CLDN18: variants seen among roughly 807,000 people sequenced by gnomAD.
CLDN18 encodes claudin 18.
In CLDN18, 20 loss-of-function variants were observed where a neutral mutation model predicts 25.0. The observed-to-expected ratio is 0.80, with a 90% CI of 0.56 to 1.16. The LOEUF is 1.16. Ranked by LOEUF, CLDN18 falls within the 50% of genes most tolerant of loss-of-function variation. The probability of loss-of-function intolerance (pLI) is 0.00; values close to 1 mark genes in which losing one functional copy is unlikely to be tolerated. For synonymous variants in CLDN18, 125 were observed against 135.6 expected, an observed-to-expected ratio of 0.92 and a Z score of 0.54; for missense variants, 297 against 345.4, an observed-to-expected ratio of 0.86 and a Z score of 1.11.
At chr3:138,009,223 C>A (rs1238832974), upstream of CLDN18, among the ~76,000 whole-genome samples, 3 of 152,228 alleles carry the variant, frequency 2.0e-5, no homozygotes, top group African/African-American at 7.2e-5. Flanking sequence ...GGAGTTTGCC[C>A]CCAACCTGCC....
chr3:138,023,508 A>G (rs1390775193), intron 1 of CLDN18, 150 bp from the exon 2 acceptor site: 2 of 638,410 alleles, frequency 3.1e-6, no homozygotes, highest in African/African-American at 3.6e-5. Flanking sequence ...TCCTTTGACA[A>G]TGGCAAGGTT....
At chr3:138,000,583 T>C (rs1942005773) in intron 1 of CLDN18, among the ~76,000 whole-genome samples, 1 of 152,178 alleles carries the variant, frequency 6.6e-6, no homozygotes, top group South Asian at 2.1e-4. Context: ...TCAAGGATAT[T>C]AATCTGGCAA....
rs541587699 is a variant in CLDN18, at chr3:138,032,871, C to T, written c.*1730C>T. 35 of 152,360 alleles carry T rather than the reference C, an allele frequency of 2.3e-4. No homozygotes were observed. Among genetic ancestry groups the T allele is most frequent in the African/African-American group, 7.7e-4 (32 of 41,570 alleles). 9.4% of individuals were successfully genotyped at this position (152,360 alleles called of 1,614,324 possible). A position where few individuals can be genotyped will look rare whatever the true frequency, so the allele number is the denominator to read the frequency against. The stretch of plus-strand genomic sequence containing the variant: ...ACACACCTTCCCTGAGCTTACATCA[C>T]TGCCCTTTTGAGCAGAAAGTCTAAA... On this transcript the variant is annotated 3_prime_UTR_variant, in exon 5 of 5. Transcript: ENST00000183605.
chr3:138,032,995 C>T lies in CLDN18; in HGVS notation c.*1854C>T, dbSNP rs1267532501. On this transcript the variant is annotated 3_prime_UTR_variant, in exon 5 of 5. Coordinates refer to ENST00000183605, the MANE Select transcript of CLDN18 (RefSeq NM_016369.4). ...AGTCTCTAAAAACTACCCACAGCAG[C>T]ATTGGTGCAGGGGAACTTGGCCATT... 1 of 152,218 alleles carries T rather than the reference C, an allele frequency of 6.6e-6. No homozygotes were observed. The highest frequency in any genetic ancestry group is 1.5e-5 in the Non-Finnish European group (1 of 68,066). 9.4% of individuals were successfully genotyped at this position (152,218 alleles called of 1,614,324 possible).
intron 1 of CLDN18, among the ~76,000 whole-genome samples, chr3:138,000,664 G>T (rs1398248878): frequency 6.6e-6 from 1 of 152,128 alleles, no homozygotes; most frequent in Non-Finnish European, 1.5e-5. Context: ...TGAGAAGGAG[G>T]GACTGGGTAT....
In CLDN18 at chr3:138,031,078, C is replaced by T. The variant is rs567940448; in HGVS notation, c.723C>T (p.Tyr241=). 3.2e-5 allele frequency: 51 copies of T among 1,614,090 alleles called. No individual in the cohort carries two copies. The South Asian group carries it at 4.0e-4, about 13-fold the overall frequency. Reference sequence around the variant, plus strand: ...CCAACACCAAAAACAAGAAGATATACGATGGAGGTGCCCGCACAGAGGACG... The same window carrying T: ...CCAACACCAAAAACAAGAAGATATATGATGGAGGTGCCCGCACAGAGGACG... ...FGSNTKNKKI[Y]DGGARTEDEV... Residue 241 remains tyrosine (Y), a synonymous_variant, in exon 5 of 5, where the codon TAC becomes TAT. Transcript: ENST00000183605.
At chr3:138,005,727 G>C (rs1445935334), upstream of CLDN18, among the ~76,000 whole-genome samples, 1 of 152,156 alleles carries the variant, frequency 6.6e-6, no homozygotes, top group Non-Finnish European at 1.5e-5. Context: ...AAAATTCATA[G>C]AAAGCAATAT....
intron 1 of CLDN18, among the ~76,000 whole-genome samples, chr3:137,999,779 G>A (rs184556579): frequency 6.6e-6 from 1 of 152,294 alleles, no homozygotes; most frequent in East Asian, 1.9e-4. Flanking sequence ...TCTAGGGATT[G>A]GCATATTCAA....
intron 3 of CLDN18, among the ~76,000 whole-genome samples, chr3:138,026,642 C>T (rs956383966): frequency 6.6e-6 from 1 of 151,978 alleles, no homozygotes; most frequent in African/African-American, 2.4e-5. Flanking sequence ...AAGACTCCAT[C>T]TCAAAAAAAC....
Position 138,031,006 on chromosome 3 carries a change from T to C in CLDN18, c.651T>C (p.Ser217=), listed in dbSNP as rs760733189. The C allele has an allele frequency of 2.7e-5, 44 of 1,614,142 alleles. No homozygotes were observed. Among genetic ancestry groups the C allele is most frequent in the Non-Finnish European group, 3.5e-5 (41 of 1,180,018 alleles). Residue 217 remains serine (S), a synonymous_variant, in exon 5 of 5, where the codon AGT becomes AGC. Transcript: ENST00000183605. ...KAVSYHASGH[S]VAYKPGGFKA... The stretch of plus-strand genomic sequence containing the variant: ...TTTCTTATCATGCCTCAGGCCACAG[T>C]GTTGCCTACAAGCCTGGAGGCTTCA...
Position 138,025,195 on chromosome 3 carries a change from T to C in CLDN18, c.503+471T>C, listed in dbSNP as rs572507567. Reference sequence around the variant, plus strand: ...TTTCTCTCATTCATTAATTCATTTATTCTACAAATGTATTGATCACCTGCT... The same window carrying C: ...TTTCTCTCATTCATTAATTCATTTACTCTACAAATGTATTGATCACCTGCT... On this transcript the variant is annotated intron_variant, in intron 3 of 4. Coordinates refer to ENST00000183605, the MANE Select transcript of CLDN18 (RefSeq NM_016369.4). Among the ~76,000 whole-genome samples, 3 of 152,364 alleles carry C rather than the reference T, an allele frequency of 2.0e-5. No homozygotes were observed. The South Asian group carries it at 6.2e-4, about 32-fold the overall frequency.
Position 138,031,813 on chromosome 3 carries a change from G to A in CLDN18, c.*672G>A, listed in dbSNP as rs1159141642. The A allele has an allele frequency of 6.6e-6, 1 of 152,056 alleles. No individual in the cohort carries two copies. The highest frequency in any genetic ancestry group is 2.4e-5 in the African/African-American group (1 of 41,392). 9.4% of individuals were successfully genotyped at this position (152,056 alleles called of 1,614,324 possible). A position where few individuals can be genotyped will look rare whatever the true frequency, so the allele number is the denominator to read the frequency against. On this transcript the variant is annotated 3_prime_UTR_variant, in exon 5 of 5. Transcript: ENST00000183605. ...CTAGGAGTTTCCTGAGCTCTCCACT[G>A]GAGTCCTCTTTCTGTCGCGGGTCAG...
intron 1 of CLDN18, among the ~76,000 whole-genome samples, chr3:138,013,823 A>G (rs1410250908): frequency 6.6e-6 from 1 of 152,244 alleles, no homozygotes; most frequent in African/African-American, 2.4e-5. Context: ...ATAGAATTAT[A>G]TGTGTAAACT....
At chr3:138,025,381 A>G (rs1389048532) in intron 3 of CLDN18, among the ~76,000 whole-genome samples, 1 of 152,228 alleles carries the variant, frequency 6.6e-6, no homozygotes, top group African/African-American at 2.4e-5. Flanking sequence ...ATATTCATTT[A>G]GTCACTTTAA....
chr3:138,026,776 G>A (rs1016673161), intron 3 of CLDN18, among the ~76,000 whole-genome samples: 15 of 152,278 alleles, frequency 9.9e-5, no homozygotes, highest in South Asian at 8.3e-4. Context: ...AAACAGGGAC[G>A]GGAAGGAAGG....
rs547378690 is a variant in CLDN18 at position 138,016,065 on chromosome 3, GAAATAA to G, written c.220+5627_220+5632del. 3.1e-3 allele frequency among the ~76,000 whole-genome samples: 473 copies of G among 152,316 alleles called. 3 individuals carry two copies. Among genetic ancestry groups the G allele is most frequent in the African/African-American group, 0.011 (448 of 41,570 alleles). Reference sequence around the variant, plus strand: ...ATGCAGTACTCTGAGGACAGTGCCAGAAATAAAAATAACTACTATTTATTGAGCTGC... The same window carrying G: ...ATGCAGTACTCTGAGGACAGTGCCAGAAATAACTACTATTTATTGAGCTGC... On this transcript the variant is annotated intron_variant, in intron 1 of 4. Coordinates refer to ENST00000183605, the MANE Select transcript of CLDN18 (RefSeq NM_016369.4).
chr3:138,023,647 T>C lies in CLDN18; in HGVS notation c.221-11T>C, dbSNP rs1404279123. 2 of 1,612,650 alleles carry C rather than the reference T, an allele frequency of 1.2e-6. No individual in the cohort carries two copies. Among genetic ancestry groups the C allele is most frequent in the Non-Finnish European group, 1.7e-6 (2 of 1,179,108 alleles). The stretch of plus-strand genomic sequence containing the variant: ...TATTTGTCTGCTTGTGTCTTGCCCC[T>C]TGTCCCACAGCCATGCTGCAGGCAG... On this transcript the variant is annotated splice_polypyrimidine_tract_variant and intron_variant, in intron 1 of 4. Coordinates refer to ENST00000183605, the MANE Select transcript of CLDN18 (RefSeq NM_016369.4).
rs950558343 is a variant in CLDN18 at position 138,032,502 on chromosome 3, A to G, written c.*1361A>G. The G allele has an allele frequency of 2.0e-5, 3 of 151,790 alleles. No individual in the cohort carries two copies. Among genetic ancestry groups the G allele is most frequent in the Non-Finnish European group, 4.4e-5 (3 of 67,922 alleles). 9.4% of individuals were successfully genotyped at this position (151,790 alleles called of 1,614,324 possible). A position where few individuals can be genotyped will look rare whatever the true frequency, so the allele number is the denominator to read the frequency against. ...AACTAATTCTTTAAAAAAAAAAAAA[A>G]GTTGAGCCTGAATTAAATGTAATGT... On this transcript the variant is annotated 3_prime_UTR_variant, in exon 5 of 5. Coordinates refer to ENST00000183605, the MANE Select transcript of CLDN18 (RefSeq NM_016369.4).
chr3:138,012,511 C>G (rs1284432413), intron 1 of CLDN18, among the ~76,000 whole-genome samples: 1 of 152,126 alleles, frequency 6.6e-6, no homozygotes, highest in Non-Finnish European at 1.5e-5. Context: ...ATACCTTGGA[C>G]TTGGTCCTGG....
Sources: gnomAD v4.1 joint callset for allele counts (sites outside exome capture counted in the v4.1 genomes callset) on GRCh38, gnomAD v4.1.1 for gene constraint, MANE v1.5 for transcripts, NCBI Gene and HGNC (gene_info 2026-07-23, HGNC 2026-07-21) for gene names.